The following LRRC63 variants were observed in gnomAD, a reference collection of about 807,000 sequenced individuals.
The protein encoded by LRRC63 is leucine rich repeat containing 63.
A neutral mutation model predicts 49.5 loss-of-function variants in LRRC63; 40 were observed. The ratio of observed to expected loss-of-function variants is 0.81; its 90% CI spans 0.63 to 1.05. The LOEUF (loss-of-function observed/expected upper bound fraction) is 1.05, where lower values mean the gene tolerates loss of function less well. Ranked by LOEUF, LRRC63 falls within the 50% of genes least tolerant of loss-of-function variation. The pLI is 0.00. For synonymous variants in LRRC63, 191 were observed against 221.1 expected (o/e 0.86, Z 1.21); for missense variants, 636 against 663.1 (o/e 0.96, Z 0.45).
At chr13:46,270,691 G>A (rs2047745864) in intron 9 of LRRC63, 2 of 676,150 alleles carry the variant, frequency 3.0e-6, no homozygotes, top group Non-Finnish European at 2.7e-6. Flanking sequence ...TGCACGAAAG[G>A]AGAAGAACCA....
At chr13:46,250,651 A>G (rs1021229373) in intron 7 of LRRC63, among the ~76,000 whole-genome samples, 160 bp downstream of exon 7, 3 of 151,968 alleles carry the variant, frequency 2.0e-5, no homozygotes, top group African/African-American at 7.2e-5. Context: ...GTTAAAAACA[A>G]TCCTACCAGC....
intron 9 of LRRC63, among the ~76,000 whole-genome samples, chr13:46,276,108 G>C (rs2047833035): frequency 6.6e-6 from 1 of 151,870 alleles, no homozygotes; most frequent in Non-Finnish European, 1.5e-5. Flanking sequence ...TGTACTAATG[G>C]ATTAATATTT....
intron 2 of LRRC63, among the ~76,000 whole-genome samples, chr13:46,216,233 T>C (rs2046247622): frequency 6.6e-6 from 1 of 152,238 alleles, no homozygotes; most frequent in Non-Finnish European, 1.5e-5. Context: ...ACGATATTGA[T>C]TCTTCCTATC....
intron 8 of LRRC63, among the ~76,000 whole-genome samples, chr13:46,264,448 A>G (rs1268066574): frequency 1.6e-4 from 25 of 151,966 alleles, no homozygotes; most frequent in Admixed American, 1.6e-3. Flanking sequence ...TTAGTTAGTT[A>G]GTTAGTTTTG....
In LRRC63 at chr13:46,214,167, G is replaced by T. The variant is rs561546700; in HGVS notation, c.85+1048G>T. Among the ~76,000 whole-genome samples, 5 of 152,116 alleles carry T rather than the reference G, an allele frequency of 3.3e-5. No individual in the cohort carries two copies. In the East Asian group the frequency reaches 9.6e-4, roughly 29 times the overall value. ...CCCTTCTCAGTTTCCTCTTCCATCT[G>T]ATTTTAGTTGATTGCAGTTTTAGTG... On this transcript the variant is annotated intron_variant, in intron 2 of 9. Coordinates refer to ENST00000595396, the Ensembl canonical transcript of LRRC63.
chr13:46,234,242 G>A (rs760026901), exon 5 of LRRC63: 25 of 1,550,106 alleles, frequency 1.6e-5, no homozygotes, highest in Non-Finnish European at 2.1e-5. Context: ...TGTACGTGGT[G>A]AAGGTTTTAA....
rs534591745 is a variant in LRRC63 at position 46,259,831 on chromosome 13, T to G, written c.1227-2078T>G. 8.3e-4 allele frequency among the ~76,000 whole-genome samples: 127 copies of G among 152,324 alleles called. 2 individuals are homozygous for G. The highest frequency in any genetic ancestry group is 2.9e-3 in the Admixed American group (44 of 15,290). On this transcript the variant is annotated intron_variant, in intron 7 of 9. Transcript: ENST00000595396. Reference sequence around the variant, plus strand: ...CCATATAGTAGGCTTTTAATAAATATTTATATCAGTGTGGTGGTCATCACT... The same window carrying G: ...CCATATAGTAGGCTTTTAATAAATAGTTATATCAGTGTGGTGGTCATCACT...
At chr13:46,213,044 C>T (rs1427979957) in exon 2 of LRRC63, 8 of 1,547,254 alleles carry the variant, frequency 5.2e-6, no homozygotes, top group Non-Finnish European at 7.0e-6. Context: ...AATGCAAAAG[C>T]CCCCACTGCT....
At chr13:46,243,436 C>A (rs2138489017) in intron 5 of LRRC63, among the ~76,000 whole-genome samples, 1 of 152,120 alleles carries the variant, frequency 6.6e-6, no homozygotes, top group South Asian at 2.1e-4. Context: ...CAATAGGAAA[C>A]CCTTACCTAT....
chr13:46,269,031 AAG>A (rs1430616964), intron 9 of LRRC63, among the ~76,000 whole-genome samples: 6 of 152,158 alleles, frequency 3.9e-5, no homozygotes, highest in Non-Finnish European at 7.4e-5. Context: ...AAATAAATGG[AAG>A]AGTTATAGAT....
chr13:46,217,353 C>G (rs2046281227), intron 2 of LRRC63, among the ~76,000 whole-genome samples: 1 of 152,122 alleles, frequency 6.6e-6, no homozygotes, highest in Non-Finnish European at 1.5e-5. Flanking sequence ...GTGTATGTGT[C>G]CAGAAATTTA....
intron 5 of LRRC63, among the ~76,000 whole-genome samples, chr13:46,238,939 G>A (rs1415433539): frequency 6.6e-6 from 1 of 152,172 alleles, no homozygotes; most frequent in Admixed American, 6.5e-5. Context: ...TGAAATTAAT[G>A]AGAATAAAAA....
At chr13:46,272,984 A>G (rs1485918256) in intron 9 of LRRC63, among the ~76,000 whole-genome samples, 2 of 152,208 alleles carry the variant, frequency 1.3e-5, no homozygotes, top group Admixed American at 1.3e-4. Flanking sequence ...GTGATTGAAG[A>G]GAGGAATAAG....
intron 9 of LRRC63, among the ~76,000 whole-genome samples, chr13:46,274,354 A>G (rs1183610048): frequency 6.6e-6 from 1 of 152,214 alleles, no homozygotes; most frequent in Non-Finnish European, 1.5e-5. Flanking sequence ...GTCATCCTCC[A>G]GTGTCTGCCC....
chr13:46,276,828 G>GTATATATATATATA (rs375853565), exon 10 of LRRC63: 3 of 140,040 alleles, frequency 2.1e-5, no homozygotes, highest in African/African-American at 6.9e-5. Flanking sequence ...GTATGTGTGT[G>GTATATATATATATA]TATATATATA....
At chr13:46,223,015 A>G (rs1211761115) in intron 2 of LRRC63, among the ~76,000 whole-genome samples, 25 of 141,322 alleles carry the variant, frequency 1.8e-4, no homozygotes, top group African/African-American at 6.6e-4. Context: ...GAACAATGAG[A>G]ACACATGGAC....
At chr13:46,276,504 T>C in intron 9 of LRRC63, 86 bp from the exon 10 acceptor site, 2 of 577,940 alleles carry the variant, frequency 3.5e-6, no homozygotes, top group Non-Finnish European at 5.1e-6. Flanking sequence ...GTAAGGGCAG[T>C]ATTTTATACT....
chr13:46,215,110 T>C (rs1473675405), intron 2 of LRRC63, among the ~76,000 whole-genome samples: 1 of 152,254 alleles, frequency 6.6e-6, no homozygotes, highest in African/African-American at 2.4e-5. Flanking sequence ...TGATTTATGT[T>C]CCTTTGGGAA....
At chr13:46,252,676 G>A (rs1184143043) in intron 7 of LRRC63, among the ~76,000 whole-genome samples, 1 of 152,034 alleles carries the variant, frequency 6.6e-6, no homozygotes, top group Non-Finnish European at 1.5e-5. Context: ...AGTTGACTGA[G>A]TGTGAATTAG....
Sources: gnomAD v4.1 joint callset for allele counts (sites outside exome capture counted in the v4.1 genomes callset) on GRCh38, gnomAD v4.1.1 for gene constraint, MANE v1.5 for transcripts, NCBI Gene and HGNC (gene_info 2026-07-23, HGNC 2026-07-21) for gene names.